The following SFMBT1 variants were observed in gnomAD, a reference collection of about 807,000 sequenced individuals.
SFMBT1 encodes the protein scm-like with four MBT domains protein 1.
In SFMBT1, 32 loss-of-function variants were observed where a neutral mutation model predicts 108.7. The observed-to-expected ratio is 0.29, with a 90% CI of 0.22 to 0.40. The LOEUF (loss-of-function observed/expected upper bound fraction) is 0.40, where lower values mean the gene tolerates loss of function less well. Among genes scored for constraint, SFMBT1 ranks in the 10% least tolerant of loss-of-function variants. SFMBT1 has a pLI of 1.00. For synonymous variants in SFMBT1, 348 were observed against 369.5 expected (o/e 0.94, Z 0.67); for missense variants, 816 against 1,059.6 (o/e 0.77, Z 3.19).
intron 1 of SFMBT1, among the ~76,000 whole-genome samples, chr3:53,001,350 G>C (rs1263368661): frequency 1.3e-5 from 2 of 150,252 alleles, no homozygotes; most frequent in East Asian, 3.9e-4. Flanking sequence ...AGGACTGCTT[G>C]AGCTCAGGAG....
In SFMBT1 at chr3:53,007,245, A is replaced by G. The variant is rs1346607371; in HGVS notation, c.-130-37987T>C. On this transcript the variant is annotated intron_variant, in intron 1 of 20. Coordinates refer to ENST00000394752, the MANE Select transcript of SFMBT1 (RefSeq NM_016329.4). Reference sequence around the variant, plus strand: ...TTAATACCTCTACTTAGCACTTTCTAAACAAGACCTCTTTTCCCCCGCTAG... The same window carrying G: ...TTAATACCTCTACTTAGCACTTTCTGAACAAGACCTCTTTTCCCCCGCTAG... Among the ~76,000 whole-genome samples the G allele has an allele frequency of 2.0e-5, 3 of 152,362 alleles. No homozygotes were observed. The East Asian group carries it at 5.8e-4, about 29-fold the overall frequency.
chr3:53,000,978 G>T (rs1698528502), intron 1 of SFMBT1, among the ~76,000 whole-genome samples: 1 of 150,286 alleles, frequency 6.7e-6, no homozygotes, highest in Non-Finnish European at 1.5e-5. Context: ...CGCATTGGCT[G>T]TGAGTTTATT....
At position 52,983,939 on chromosome 3, in the gene SFMBT1, G is replaced by A. The variant is rs554464288; in HGVS notation, c.-130-14681C>T. ...GGATCACTCTGCAGCTATGTGAGAA[G>A]AAAGCAAGAGCAGAAGCAGGAAGAC... On this transcript the variant is annotated intron_variant, in intron 1 of 20. Transcript: ENST00000394752. 3.3e-5 allele frequency among the ~76,000 whole-genome samples: 5 copies of A among 152,316 alleles called. No individual in the cohort carries two copies. The South Asian group carries it at 1.0e-3, about 32-fold the overall frequency.
At chr3:52,918,903 G>T (rs561160034) in intron 12 of SFMBT1, among the ~76,000 whole-genome samples, 2 of 151,880 alleles carry the variant, frequency 1.3e-5, no homozygotes, top group Admixed American at 1.3e-4. Context: ...TTTTTCCATG[G>T]ACCAGGGGGT....
At chr3:52,927,539 A>G (rs536896200) in intron 9 of SFMBT1, among the ~76,000 whole-genome samples, 1 of 152,262 alleles carries the variant, frequency 6.6e-6, no homozygotes, top group Non-Finnish European at 1.5e-5. Context: ...AAAATCAGAT[A>G]AACATCTGAC....
intron 1 of SFMBT1, among the ~76,000 whole-genome samples, chr3:53,040,070 C>T (rs1489773674): frequency 6.6e-6 from 1 of 152,032 alleles, no homozygotes; most frequent in Non-Finnish European, 1.5e-5. Context: ...ATTTTTAACA[C>T]AGAAAAAGCA....
chr3:52,953,097 G>T (rs752151592), intron 3 of SFMBT1, among the ~76,000 whole-genome samples: 2 of 152,216 alleles, frequency 1.3e-5, no homozygotes, highest in Non-Finnish European at 2.9e-5. Flanking sequence ...AGCAGACTAT[G>T]ACAAATATGA....
chr3:52,929,558 C>A (rs921208195), intron 8 of SFMBT1, among the ~76,000 whole-genome samples: 5 of 152,178 alleles, frequency 3.3e-5, no homozygotes, highest in African/African-American at 1.2e-4. Context: ...ACTTTATGAA[C>A]TTCCTCTGGC....
chr3:52,905,102 G>A lies in SFMBT1; in HGVS notation c.*34C>T, dbSNP rs1184204713. The A allele has an allele frequency of 6.2e-7, 1 of 1,609,590 alleles. No individual in the cohort carries two copies. Among genetic ancestry groups the A allele is most frequent in the African/African-American group, 1.3e-5 (1 of 74,796 alleles). ...AGGGTGAAGGATTTGCTGCATTTGT[G>A]CTTCAAAGATCCAGCTCACTTTGGT... is the stretch of plus-strand genomic sequence containing the variant. On this transcript the variant is annotated 3_prime_UTR_variant, in exon 21 of 21. Coordinates refer to ENST00000394752, the MANE Select transcript of SFMBT1 (RefSeq NM_016329.4).
At chr3:53,008,495 T>C (rs2106924373) in intron 1 of SFMBT1, among the ~76,000 whole-genome samples, 1 of 152,284 alleles carries the variant, frequency 6.6e-6, no homozygotes, top group Non-Finnish European at 1.5e-5. Flanking sequence ...AAGTACTAAA[T>C]AAGTCTTCCA....
rs35044878 is a variant in SFMBT1 at position 52,966,624 on chromosome 3, CAAAAAAAAAAA to C, written c.28+2466_28+2476del. The stretch of plus-strand genomic sequence containing the variant: ...TGGGTGACAGAGCGAGACTCAGTCT[CAAAAAAAAAAA>C]AAAAAAAAAAAAGACTAAAGAAAAT... On this transcript the variant is annotated intron_variant, in intron 2 of 20. Transcript: ENST00000394752. Among the ~76,000 whole-genome samples the C allele has an allele frequency of 6.4e-4, 31 of 48,408 alleles. 1 individual carries two copies. The highest frequency in any genetic ancestry group is 6.1e-3 in the Admixed American group (22 of 3,626). The allele number at this position is 48,408 out of a possible 152,430, so 31.8% of individuals were successfully genotyped here.
intron 1 of SFMBT1, among the ~76,000 whole-genome samples, chr3:52,993,675 CA>C (rs987776689): frequency 2.8e-5 from 4 of 145,148 alleles, no homozygotes; most frequent in Non-Finnish European, 4.6e-5. Context: ...CACTGACAGC[CA>C]AAAAAAAGGG....
At chr3:52,988,219 A>G (rs1704997118) in intron 1 of SFMBT1, among the ~76,000 whole-genome samples, 1 of 152,248 alleles carries the variant, frequency 6.6e-6, no homozygotes, top group Non-Finnish European at 1.5e-5. Flanking sequence ...TTAAACATAC[A>G]AGCATTTTTA....
At chr3:52,944,870 T>A (rs1370991513) in intron 3 of SFMBT1, among the ~76,000 whole-genome samples, 9 of 151,894 alleles carry the variant, frequency 5.9e-5, no homozygotes, top group Non-Finnish European at 4.4e-5. Flanking sequence ...CACACTAAAG[T>A]GCAGTGGTGC....
chr3:52,927,973 C>T (rs958370328), intron 9 of SFMBT1, among the ~76,000 whole-genome samples: 9 of 152,144 alleles, frequency 5.9e-5, no homozygotes, highest in Non-Finnish European at 8.8e-5. Context: ...GAGGATAGAA[C>T]GCACTCTCTT....
intron 1 of SFMBT1, among the ~76,000 whole-genome samples, chr3:52,986,029 G>C (rs1386000017): frequency 2.6e-5 from 4 of 151,796 alleles, no homozygotes; most frequent in Admixed American, 2.6e-4. Flanking sequence ...TGTAGTCCCA[G>C]CTACTCAGGA....
At chr3:52,955,132 T>C (rs969637288) in intron 2 of SFMBT1, among the ~76,000 whole-genome samples, 1 of 152,008 alleles carries the variant, frequency 6.6e-6, no homozygotes. Context: ...CACTGGTTTT[T>C]TGAAAAAATT....
chr3:52,947,798 G>A (rs752468643), intron 3 of SFMBT1, among the ~76,000 whole-genome samples: 7 of 150,888 alleles, frequency 4.6e-5, no homozygotes, highest in African/African-American at 1.5e-4. Flanking sequence ...GCAGTGGCGC[G>A]ATCTCAGCTC....
Position 52,914,742 on chromosome 3 carries a change from T to TCAAAA in SFMBT1, c.1481-1130_1481-1126dup, listed in dbSNP as rs892037072. On this transcript the variant is annotated intron_variant, in intron 14 of 20. Coordinates refer to ENST00000394752, the MANE Select transcript of SFMBT1 (RefSeq NM_016329.4). ...CTGGATGACACAGCGAGACCCTGTCTCAAAACAAAACAAAACAAAAAAACG... is the reference window on the plus strand; with the variant it reads ...CTGGATGACACAGCGAGACCCTGTCTCAAAACAAAACAAAACAAAACAAAAAAACG... 4.5e-4 allele frequency among the ~76,000 whole-genome samples: 68 copies of TCAAAA among 152,194 alleles called. 1 individual carries two copies. The highest frequency in any genetic ancestry group is 1.5e-3 in the African/African-American group (64 of 41,514).
Sources: allele counts gnomAD v4.1 joint callset (sites outside exome capture counted in the v4.1 genomes callset), GRCh38; gene constraint gnomAD v4.1.1; transcripts MANE v1.5; gene names NCBI Gene and HGNC (gene_info 2026-07-23, HGNC 2026-07-21).